BRD3: variants seen among roughly 807,000 people sequenced by gnomAD.
The protein encoded by BRD3 is bromodomain-containing protein 3.
In BRD3, 17 loss-of-function variants were observed where a neutral mutation model predicts 66.8. That is an observed-to-expected ratio of 0.25 (90% CI 0.17 to 0.38). The LOEUF (loss-of-function observed/expected upper bound fraction) is 0.38. BRD3 is among the 10% of genes least tolerant of loss of function. The probability of loss-of-function intolerance (pLI) is 1.00; values close to 1 mark genes in which losing one functional copy is unlikely to be tolerated. For missense variants in BRD3, 713 were observed against 956.1 expected (o/e 0.75, Z 3.35); for synonymous variants, 421 against 393.2 (o/e 1.07, Z -0.84).
chr9:134,048,596 C>T (rs1039576128), intron 5 of BRD3, 142 bp from the exon 6 acceptor site: 1 of 1,315,532 alleles, frequency 7.6e-7, no homozygotes, highest in Non-Finnish European at 1.0e-6. Flanking sequence ...GGAGAGGACA[C>T]CAAGGCTCAG....
At position 134,034,825 on chromosome 9, in the gene BRD3, T is replaced by G; in HGVS notation, c.1941A>C (p.Ala647=). The G allele has an allele frequency of 3.7e-6, 6 of 1,611,862 alleles. No homozygotes were observed. The highest frequency in any genetic ancestry group is 5.1e-6 in the Non-Finnish European group (6 of 1,180,010). Residue 647 remains alanine (A), a synonymous_variant, in exon 11 of 12, where the codon GCA becomes GCC. Coordinates refer to ENST00000303407, the MANE Select transcript of BRD3 (RefSeq NM_007371.4). ...ACTTGGCTGCCTGTTTCTTCCCGCTTGCTGCTGTCGGGGAACAAATGGGCA... is the reference window on the plus strand; with the variant it reads ...ACTTGGCTGCCTGTTTCTTCCCGCTGGCTGCTGTCGGGGAACAAATGGGCA... ...LQKKQRKPFS[A]SGKKQAAKSK...
chr9:134,031,253 C>G lies in BRD3; in HGVS notation c.*2337G>C, dbSNP rs1236529246. Reference sequence around the variant, plus strand: ...CCACGATGCTCCTGCTGCGCTGCCCCCACAGCCGGCCGCTCCCCCGACGGC... The same window carrying G: ...CCACGATGCTCCTGCTGCGCTGCCCGCACAGCCGGCCGCTCCCCCGACGGC... On this transcript the variant is annotated 3_prime_UTR_variant, in exon 12 of 12. Coordinates refer to ENST00000303407, the MANE Select transcript of BRD3 (RefSeq NM_007371.4). The G allele has an allele frequency of 4.7e-6, 1 of 211,732 alleles. No homozygotes were observed. Among genetic ancestry groups the G allele is most frequent in the African/African-American group, 2.3e-5 (1 of 44,012 alleles). The allele number at this position is 211,732 out of a possible 1,614,324, so 13.1% of individuals were successfully genotyped here.
At chr9:134,051,847 ATGTGTGTG>A (rs752502651) in intron 3 of BRD3, 138 bp from the exon 4 acceptor site, 34 of 516,872 alleles carry the variant, frequency 6.6e-5, no homozygotes, top group African/African-American at 2.6e-4. Context: ...AAATGAATAT[ATGTGTGTG>A]TGTGTGTGTG....
intron 9 of BRD3, among the ~76,000 whole-genome samples, chr9:134,039,243 G>A (rs1479294496): frequency 1.3e-5 from 2 of 152,182 alleles, no homozygotes; most frequent in Non-Finnish European, 2.9e-5. Flanking sequence ...TGATCATGTT[G>A]AGCTTAAATC....
At chr9:134,054,636 G>A (rs1441801463) in intron 1 of BRD3, 2 of 152,346 alleles carry the variant, frequency 1.3e-5, no homozygotes, top group South Asian at 2.1e-4. Flanking sequence ...CGGAGCACAG[G>A]CAGCAGCTCT....
chr9:134,034,244 G>A (rs925657845), intron 11 of BRD3, among the ~76,000 whole-genome samples: 4 of 152,256 alleles, frequency 2.6e-5, no homozygotes, highest in Non-Finnish European at 5.9e-5. Flanking sequence ...AGAAAAAGGA[G>A]GCAAGGGCTC....
At position 134,030,509 on chromosome 9, in the gene BRD3, C is replaced by A. The variant is rs534099703; in HGVS notation, c.*3081G>T. 3 of 205,574 alleles carry A rather than the reference C, an allele frequency of 1.5e-5. No homozygotes were observed. The highest frequency in any genetic ancestry group is 3.0e-5 in the Non-Finnish European group (3 of 100,844). The allele number at this position is 205,574 out of a possible 1,614,324, so 12.7% of individuals were successfully genotyped here. On this transcript the variant is annotated 3_prime_UTR_variant, in exon 12 of 12. Transcript: ENST00000303407. Reference sequence around the variant, plus strand: ...GACATTTACAGGAATATACTAGAAACGGCACTAAAAAGTTTAAGAAAAGTT... The same window carrying A: ...GACATTTACAGGAATATACTAGAAAAGGCACTAAAAAGTTTAAGAAAAGTT...
intron 1 of BRD3, among the ~76,000 whole-genome samples, chr9:134,063,884 T>C (rs1397108791): frequency 6.6e-6 from 1 of 152,192 alleles, no homozygotes; most frequent in Non-Finnish European, 1.5e-5. Context: ...AGCGGGACAC[T>C]TTTCCAAGTG....
chr9:134,033,447 C>G lies in BRD3; in HGVS notation c.*143G>C, dbSNP rs1057224336. 3 of 581,196 alleles carry G rather than the reference C, an allele frequency of 5.2e-6. No homozygotes were observed. Among genetic ancestry groups the G allele is most frequent in the South Asian group, 4.2e-5 (2 of 47,416 alleles). The allele number at this position is 581,196 out of a possible 1,614,324, so 36.0% of individuals were successfully genotyped here. A position where few individuals can be genotyped will look rare whatever the true frequency, so the allele number is the denominator to read the frequency against. On this transcript the variant is annotated 3_prime_UTR_variant, in exon 12 of 12. Transcript: ENST00000303407. This position sits in a 1 kb window ranked among gnomAD's most constrained non-coding sequence, Gnocchi z 5.1. ...AAGATAGATCTCTGACCTATGAAAG[C>G]AAAAACTGGAAGATATCATAACACT... is the stretch of plus-strand genomic sequence containing the variant.
At chr9:134,047,775 C>T (rs1232115407) in intron 6 of BRD3, among the ~76,000 whole-genome samples, 11 of 152,202 alleles carry the variant, frequency 7.2e-5, no homozygotes, top group Non-Finnish European at 1.2e-4. Flanking sequence ...TGGCCCAGCT[C>T]TAGGGACCCC....
intron 5 of BRD3, among the ~76,000 whole-genome samples, chr9:134,048,840 C>T (rs546340884): frequency 3.5e-4 from 53 of 152,332 alleles, no homozygotes; most frequent in African/African-American, 7.2e-4. Context: ...CCGGGGACCT[C>T]GGTGCTGCAG....
In BRD3 at chr9:134,047,619, T is replaced by G. The variant is rs73663196; in HGVS notation, c.1086+464A>C. Among the ~76,000 whole-genome samples the G allele has an allele frequency of 5.9e-3, 895 of 151,938 alleles. 16 individuals are homozygous for G. Among genetic ancestry groups the G allele is most frequent in the African/African-American group, 0.021 (855 of 41,530 alleles). ...ACCCACCCAGGTCCCGCTTCCGTCT[T>G]GTGAGGGGGTGGGGCTTGGAGGCAC... On this transcript the variant is annotated intron_variant, in intron 6 of 11. Transcript: ENST00000303407.
chr9:134,057,813 G>C (rs1026854665), intron 1 of BRD3: 1 of 152,680 alleles, frequency 6.5e-6, no homozygotes, highest in South Asian at 2.1e-4. Context: ...CGGCCAGCAA[G>C]GACACAAAGG....
intron 1 of BRD3, among the ~76,000 whole-genome samples, chr9:134,060,379 A>C (rs779149947): frequency 5.9e-5 from 9 of 152,136 alleles, no homozygotes; most frequent in Non-Finnish European, 1.2e-4. Flanking sequence ...AATCCCCTGA[A>C]ACCAGGAGTT....
Position 134,033,005 on chromosome 9 carries a change from C to G in BRD3, c.*585G>C, listed in dbSNP as rs202057965. On this transcript the variant is annotated 3_prime_UTR_variant, in exon 12 of 12. Coordinates refer to ENST00000303407, the MANE Select transcript of BRD3 (RefSeq NM_007371.4). The surrounding 1 kb of genome is among the most constrained non-coding windows in gnomAD (Gnocchi z 5.1). ...AACGCACATCCCACCCGACCACCCC[C>G]CAAGGGCTCCACGCTCCGGGCTGGG... The G allele has an allele frequency of 5.5e-5, 22 of 397,812 alleles. No homozygotes were observed. The highest frequency in any genetic ancestry group is 5.8e-5 in the Non-Finnish European group (13 of 226,032). 24.6% of individuals were successfully genotyped at this position (397,812 alleles called of 1,614,324 possible). A position where few individuals can be genotyped will look rare whatever the true frequency, so the allele number is the denominator to read the frequency against.
intron 8 of BRD3, among the ~76,000 whole-genome samples, chr9:134,041,084 G>C (rs771827528): frequency 6.6e-6 from 1 of 152,180 alleles, no homozygotes; most frequent in Non-Finnish European, 1.5e-5. Flanking sequence ...GCCCAACTCT[G>C]GGGACTGCAG....
rs1449669525 is a variant in BRD3, at chr9:134,045,068, T to G, written c.1215+225A>C. Among the ~76,000 whole-genome samples the G allele has an allele frequency of 6.6e-6, 1 of 152,160 alleles. No individual in the cohort carries two copies. On this transcript the variant is annotated intron_variant, in intron 7 of 11. Transcript: ENST00000303407. This position sits in a 1 kb window ranked among gnomAD's most constrained non-coding sequence, Gnocchi z 4.8. The stretch of plus-strand genomic sequence containing the variant: ...CTGCGACACCCCCACAGAGCCCCAG[T>G]GGTCCCACCTGCTCGCTGGCTGCCC...
intron 9 of BRD3, among the ~76,000 whole-genome samples, chr9:134,038,951 G>C (rs898558842): frequency 2.0e-5 from 3 of 152,120 alleles, no homozygotes; most frequent in African/African-American, 7.2e-5. Flanking sequence ...AAAGGAGAGA[G>C]GGAGGGAGGG....
intron 1 of BRD3, chr9:134,058,806 G>C (rs544109798): frequency 6.6e-6 from 1 of 152,288 alleles, no homozygotes; most frequent in African/African-American, 2.4e-5. Flanking sequence ...GTATCCCCTC[G>C]CTCAGCCCAC....
Sources: gnomAD v4.1 joint callset for allele counts (sites outside exome capture counted in the v4.1 genomes callset) on GRCh38, gnomAD v4.1.1 for gene constraint, Gnocchi (gnomAD v3.1) non-coding constraint, MANE v1.5 for transcripts, NCBI Gene and HGNC (gene_info 2026-07-23, HGNC 2026-07-21) for gene names.